The following SPATA13 variants were observed in gnomAD, a reference collection of about 807,000 sequenced individuals.
SPATA13 encodes the protein spermatogenesis associated 13, also known as spermatogenesis-associated protein 13.
A neutral mutation model predicts 104.0 loss-of-function variants in SPATA13; 50 were observed. The observed-to-expected ratio is 0.48, with a 90% CI of 0.38 to 0.61. SPATA13 has a LOEUF of 0.61. Among genes scored for constraint, SPATA13 ranks in the 20% least tolerant of loss-of-function variants. SPATA13 has a pLI of 0.00. For missense variants in SPATA13, 1,524 were observed against 1,690.6 expected (o/e 0.90, Z 1.73); for synonymous variants, 606 against 667.5 (o/e 0.91, Z 1.42).
intron 3 of SPATA13, among the ~76,000 whole-genome samples, chr13:24,062,854 G>C (rs529438501): frequency 1.3e-5 from 2 of 152,136 alleles, no homozygotes; most frequent in East Asian, 3.8e-4. Flanking sequence ...AGTGGGTTTT[G>C]CCAGGAAATT....
intron 9 of SPATA13, among the ~76,000 whole-genome samples, chr13:24,293,380 A>G (rs1876541716): frequency 6.6e-6 from 1 of 152,174 alleles, no homozygotes; most frequent in African/African-American, 2.4e-5. Context: ...TTAATAAGAA[A>G]ATTAAGAAGC....
At chr13:24,267,628 T>C (rs796569101) in intron 4 of SPATA13, among the ~76,000 whole-genome samples, 4 of 152,360 alleles carry the variant, frequency 2.6e-5, no homozygotes, top group African/African-American at 9.6e-5. Context: ...AAAAAAATTT[T>C]TGTAGAAAAT....
chr13:24,199,196 A>G (rs1870263864), intron 1 of SPATA13, among the ~76,000 whole-genome samples: 1 of 152,100 alleles, frequency 6.6e-6, no homozygotes, highest in South Asian at 2.1e-4. Context: ...CCAGAACCAT[A>G]AAATCTTAAA....
intron 2 of SPATA13, among the ~76,000 whole-genome samples, chr13:24,009,386 A>T (rs539936737): frequency 8.5e-5 from 13 of 152,386 alleles, no homozygotes; most frequent in Admixed American, 7.2e-4. Context: ...TGAGCCAAAT[A>T]TGAGTGACCC....
At chr13:24,291,187 T>C (rs1223128496) in intron 9 of SPATA13, among the ~76,000 whole-genome samples, 2 of 152,184 alleles carry the variant, frequency 1.3e-5, no homozygotes, top group African/African-American at 4.8e-5. Flanking sequence ...TTTATAAACA[T>C]GTCTTTGAGT....
upstream of SPATA13, chr13:24,160,673 C>A: frequency 1.1e-6 from 1 of 923,674 alleles, no homozygotes; most frequent in Non-Finnish European, 1.2e-6. Context: ...AAGAGCCGGG[C>A]TGGGGGCGTG....
chr13:24,117,275 T>C (rs1007231842), intron 3 of SPATA13, among the ~76,000 whole-genome samples: 1 of 152,148 alleles, frequency 6.6e-6, no homozygotes, highest in Non-Finnish European at 1.5e-5. Flanking sequence ...AAAGACATAG[T>C]GTCTGTGGTC....
intron 4 of SPATA13, among the ~76,000 whole-genome samples, chr13:24,264,866 C>CA (rs1390649425): frequency 2.0e-5 from 3 of 152,164 alleles, no homozygotes; most frequent in African/African-American, 7.2e-5. Context: ...TTTATTTCTG[C>CA]ATTAATCAAA....
chr13:24,090,263 G>T (rs1477473439), intron 3 of SPATA13, among the ~76,000 whole-genome samples: 1 of 152,030 alleles, frequency 6.6e-6, no homozygotes, highest in East Asian at 1.9e-4. Flanking sequence ...CTGCTCTGCT[G>T]TGGCCAGGGT....
At chr13:23,999,045 C>T (rs1875826295) in intron 2 of SPATA13, among the ~76,000 whole-genome samples, 1 of 151,844 alleles carries the variant, frequency 6.6e-6, no homozygotes, top group Admixed American at 6.6e-5. Flanking sequence ...TACGCCTCAG[C>T]CTCCCAAGTA....
intron 3 of SPATA13, among the ~76,000 whole-genome samples, chr13:24,146,186 T>A (rs549094950): frequency 9.8e-5 from 15 of 152,362 alleles, no homozygotes; most frequent in African/African-American, 3.6e-4. Flanking sequence ...GGAGTCTCAG[T>A]CAACAGACTT....
At chr13:24,129,120 T>C (rs1317041107) in intron 3 of SPATA13, among the ~76,000 whole-genome samples, 2 of 152,248 alleles carry the variant, frequency 1.3e-5, no homozygotes, top group Non-Finnish European at 1.5e-5. Context: ...AGAAGTGGCT[T>C]CTGCAGCATG....
chr13:24,062,051 G>A (rs1878789951), intron 3 of SPATA13, among the ~76,000 whole-genome samples: 1 of 152,198 alleles, frequency 6.6e-6, no homozygotes, highest in Admixed American at 6.5e-5. Context: ...GTCCAGAGGT[G>A]TTATGTGCGA....
At chr13:24,212,296 GAAA>G (rs11288795) in intron 1 of SPATA13, among the ~76,000 whole-genome samples, 32,215 of 134,296 alleles carry the variant, frequency 0.24, 3,909 homozygotes, top group South Asian at 0.31. Flanking sequence ...CCCTGTTTAA[GAAA>G]AAAAAAAAAA....
chr13:24,128,238 G>T (rs559809465), intron 3 of SPATA13, among the ~76,000 whole-genome samples: 70 of 152,186 alleles, frequency 4.6e-4, no homozygotes, highest in African/African-American at 1.6e-3. Context: ...TGGCCAGTTG[G>T]ACATTGTCCT....
intron 1 of SPATA13, among the ~76,000 whole-genome samples, chr13:24,212,439 T>C (rs9507287): frequency 0.24 from 36,975 of 152,022 alleles, 5,594 homozygotes; most frequent in Non-Finnish European, 0.34. Flanking sequence ...CTTCATGTGG[T>C]CCTGAAGTGC....
intron 2 of SPATA13, among the ~76,000 whole-genome samples, chr13:24,248,524 G>A (rs1488893524): frequency 6.6e-6 from 1 of 152,210 alleles, no homozygotes; most frequent in African/African-American, 2.4e-5. Flanking sequence ...CTTGAGCTGT[G>A]GGATTGTCCA....
intron 3 of SPATA13, among the ~76,000 whole-genome samples, chr13:24,036,778 C>G (rs1877699492): frequency 6.6e-6 from 1 of 152,092 alleles, no homozygotes; most frequent in South Asian, 2.1e-4. Context: ...TTGTCGGTAC[C>G]ACTCATTTGG....
intron 3 of SPATA13, among the ~76,000 whole-genome samples, chr13:24,044,239 T>C (rs1003422941): frequency 3.4e-5 from 5 of 146,330 alleles, no homozygotes; most frequent in Admixed American, 7.5e-5. Context: ...CTTTCTTTTT[T>C]TTTTTTTTTT....
Sources: gnomAD v4.1 joint callset for allele counts (sites outside exome capture counted in the v4.1 genomes callset) on GRCh38, gnomAD v4.1.1 for gene constraint, MANE v1.5 for transcripts, NCBI Gene and HGNC (gene_info 2026-07-23, HGNC 2026-07-21) for gene names.